Variants in FBXL17 observed in about 807,000 individuals in gnomAD.
The protein encoded by FBXL17 is F-box and leucine rich repeat protein 17.
Under a neutral mutation model 66.2 loss-of-function variants are expected in FBXL17, and 22 were observed. That is an observed-to-expected ratio of 0.33 (90% CI 0.24 to 0.47). The LOEUF is 0.47. Among genes scored for constraint, FBXL17 ranks in the 20% least tolerant of loss-of-function variants. The pLI is 1.00. For synonymous variants in FBXL17, 474 were observed against 400.5 expected, an observed-to-expected ratio of 1.18 and a Z score of -2.19; for missense variants, 878 against 948.2, an observed-to-expected ratio of 0.93 and a Z score of 0.97.
intron 1 of FBXL17, among the ~76,000 whole-genome samples, chr5:108,374,195 C>CATGGCCT (rs1749261851): frequency 1.3e-5 from 2 of 152,158 alleles, no homozygotes; most frequent in African/African-American, 4.8e-5. Flanking sequence ...AAGACTTAAA[C>CATGGCCT]ATGGCCTATC....
chr5:108,145,001 G>A (rs1751501379), intron 6 of FBXL17, among the ~76,000 whole-genome samples: 1 of 152,108 alleles, frequency 6.6e-6, no homozygotes. Context: ...TTAGGATTAT[G>A]CATTTTCAAT....
intron 7 of FBXL17, among the ~76,000 whole-genome samples, chr5:107,969,492 C>G (rs767524610): frequency 6.6e-5 from 10 of 151,904 alleles, no homozygotes; most frequent in Non-Finnish European, 8.8e-5. Flanking sequence ...CAAAAAAAAA[C>G]TATTTAGAAG....
Position 107,911,520 on chromosome 5 carries a change from C to T in FBXL17, c.1823-30341G>A, listed in dbSNP as rs144135226. Among the ~76,000 whole-genome samples the T allele has an allele frequency of 2.2e-3, 332 of 152,142 alleles. 1 individual carries two copies. Among genetic ancestry groups the T allele is most frequent in the African/African-American group, 7.3e-3 (305 of 41,542 alleles). On this transcript the variant is annotated intron_variant, in intron 7 of 8. Transcript: ENST00000542267. ...GCCAGGTACTTTATATATATTAACT[C>T]ACACACCTTGCAGCAATCTATAAGG... is the stretch of plus-strand genomic sequence containing the variant.
chr5:108,323,360 T>A (rs916316884), intron 4 of FBXL17, among the ~76,000 whole-genome samples: 4 of 151,310 alleles, frequency 2.6e-5, no homozygotes, highest in Non-Finnish European at 5.9e-5. Context: ...TACAGTAGCA[T>A]CAAAAGGGGT....
intron 7 of FBXL17, among the ~76,000 whole-genome samples, chr5:107,891,888 C>A (rs925667315): frequency 6.6e-6 from 1 of 152,046 alleles, no homozygotes; most frequent in Admixed American, 6.6e-5. Context: ...AATAGAGATA[C>A]TCTTCAACTT....
At chr5:108,086,778 C>T (rs981593774) in intron 6 of FBXL17, among the ~76,000 whole-genome samples, 1 of 152,134 alleles carries the variant, frequency 6.6e-6, no homozygotes, top group African/African-American at 2.4e-5. Flanking sequence ...CCAGGCTGGT[C>T]TCGAGCCCCT....
At chr5:107,921,466 T>C (rs1249280164) in intron 7 of FBXL17, among the ~76,000 whole-genome samples, 1 of 152,060 alleles carries the variant, frequency 6.6e-6, no homozygotes, top group Non-Finnish European at 1.5e-5. Context: ...CTGAAGGCAA[T>C]GACATTGAGA....
In FBXL17 at chr5:108,070,067, A is replaced by G. The variant is rs1353296398; in HGVS notation, c.1746-49066T>C. On this transcript the variant is annotated intron_variant, in intron 6 of 8. Coordinates refer to ENST00000542267, the MANE Select transcript of FBXL17 (RefSeq NM_001163315.3). ...AAATTAAAATAATATGCATTAAAAC[A>G]TCATATTAAGTAGAAGTATTTCTTC... is the stretch of plus-strand genomic sequence containing the variant. 5.3e-5 allele frequency among the ~76,000 whole-genome samples: 8 copies of G among 152,364 alleles called. No homozygotes were observed. In the East Asian group the frequency reaches 1.5e-3, roughly 29 times the overall value.
intron 7 of FBXL17, among the ~76,000 whole-genome samples, chr5:107,997,251 C>T (rs1271085492): frequency 6.6e-6 from 1 of 152,118 alleles, no homozygotes; most frequent in African/African-American, 2.4e-5. Context: ...CAGTATAATA[C>T]TAATAATACA....
At chr5:107,908,906 G>A (rs1323651168) in intron 7 of FBXL17, among the ~76,000 whole-genome samples, 1 of 152,076 alleles carries the variant, frequency 6.6e-6, no homozygotes, top group African/African-American at 2.4e-5. Flanking sequence ...TATGGATCTG[G>A]GACAGTGAAC....
At chr5:107,877,285 T>C (rs1170454422) in intron 8 of FBXL17, among the ~76,000 whole-genome samples, 1 of 152,170 alleles carries the variant, frequency 6.6e-6, no homozygotes, top group Non-Finnish European at 1.5e-5. Flanking sequence ...CAGCCAAACA[T>C]ATTTACTGCA....
intron 3 of FBXL17, among the ~76,000 whole-genome samples, chr5:108,350,384 T>G (rs1400735639): frequency 6.6e-6 from 1 of 152,148 alleles, no homozygotes; most frequent in Non-Finnish European, 1.5e-5. Flanking sequence ...CAAAGCACAA[T>G]GCTGAAAATA....
chr5:108,111,323 A>C lies in FBXL17; in HGVS notation c.1745+74794T>G, dbSNP rs1295187475. Among the ~76,000 whole-genome samples, 5 of 152,312 alleles carry C rather than the reference A, an allele frequency of 3.3e-5. No individual in the cohort carries two copies. In the East Asian group the frequency reaches 9.6e-4, roughly 29 times the overall value. On this transcript the variant is annotated intron_variant, in intron 6 of 8. Coordinates refer to ENST00000542267, the MANE Select transcript of FBXL17 (RefSeq NM_001163315.3). ...GTATTTTTCAATTGTTTGATATGAT[A>C]ATTGGAAACAAAACAAGACTATATA... is the stretch of plus-strand genomic sequence containing the variant.
intron 6 of FBXL17, among the ~76,000 whole-genome samples, chr5:108,027,149 T>A (rs1204389219): frequency 1.3e-5 from 2 of 152,202 alleles, no homozygotes; most frequent in Non-Finnish European, 2.9e-5. Context: ...TTTTTCTTCA[T>A]TTATATAGTA....
At chr5:108,126,647 C>CTATATATA (rs1383217924) in intron 6 of FBXL17, among the ~76,000 whole-genome samples, 1 of 77,062 alleles carries the variant, frequency 1.3e-5, no homozygotes, top group African/African-American at 4.6e-5. Flanking sequence ...CTCTCTCTCT[C>CTATATATA]TCTCTATATA....
At chr5:108,075,944 G>A (rs1748527458) in intron 6 of FBXL17, among the ~76,000 whole-genome samples, 1 of 152,162 alleles carries the variant, frequency 6.6e-6, no homozygotes, top group South Asian at 2.1e-4. Flanking sequence ...CAAAACAAAT[G>A]AGTATTCATA....
intron 4 of FBXL17, among the ~76,000 whole-genome samples, chr5:108,252,049 T>C (rs1182633512): frequency 6.6e-6 from 1 of 152,110 alleles, no homozygotes; most frequent in Non-Finnish European, 1.5e-5. Context: ...GATCTGTATA[T>C]GCAGATATGT....
intron 5 of FBXL17, among the ~76,000 whole-genome samples, chr5:108,192,177 A>C (rs1175138564): frequency 6.6e-6 from 1 of 152,236 alleles, no homozygotes; most frequent in African/African-American, 2.4e-5. Flanking sequence ...AGCTACATAA[A>C]ATAATCCTTC....
intron 7 of FBXL17, among the ~76,000 whole-genome samples, chr5:107,884,110 A>G (rs1437187333): frequency 1.3e-5 from 2 of 152,208 alleles, no homozygotes; most frequent in African/African-American, 4.8e-5. Flanking sequence ...AACCAAGCAG[A>G]GTCCTTGATG....
Sources: allele counts gnomAD v4.1 joint callset (sites outside exome capture counted in the v4.1 genomes callset), GRCh38; gene constraint gnomAD v4.1.1; transcripts MANE v1.5; gene names NCBI Gene and HGNC (gene_info 2026-07-23, HGNC 2026-07-21).